PSMA6: variants seen among roughly 807,000 people sequenced by gnomAD.
PSMA6 encodes the protein proteasome 20S subunit alpha 6, also known as proteasome subunit alpha type-6.
For missense variants in PSMA6, 170 were observed against 294.8 expected (o/e 0.58, Z 3.10); for synonymous variants, 88 against 97.7 (o/e 0.90, Z 0.59).
upstream of PSMA6, chr14:35,292,338 G>A (rs761810154): frequency 2.0e-6 from 3 of 1,504,978 alleles, no homozygotes; most frequent in African/African-American, 1.4e-5. Flanking sequence ...CTCCAGAGCC[G>A]TGAGTTCGGC....
chr14:35,292,355 G>T, upstream of PSMA6: 2 of 1,526,492 alleles, frequency 1.3e-6, no homozygotes, highest in South Asian at 1.3e-5. Context: ...CGGCATGCAA[G>T]AGCGGAAGAA....
At chr14:35,293,291 G>C (rs1045276829) in intron 1 of PSMA6, 5 of 279,556 alleles carry the variant, frequency 1.8e-5, no homozygotes, top group Non-Finnish European at 3.6e-5. Flanking sequence ...CTGTGTACTA[G>C]TTTACTGAAG....
At chr14:35,300,468 T>TGAGTA (rs2051690593) in intron 1 of PSMA6, among the ~76,000 whole-genome samples, 1 of 152,082 alleles carries the variant, frequency 6.6e-6, no homozygotes, top group Non-Finnish European at 1.5e-5. Flanking sequence ...TGAGACCTTG[T>TGAGTA]CTCAGAAAAG....
rs534998247 is a variant in PSMA6, at chr14:35,280,049, A to C, written c.19+1331A>C. Among the ~76,000 whole-genome samples the C allele has an allele frequency of 2.6e-5, 4 of 151,776 alleles. No individual in the cohort carries two copies. In the South Asian group the frequency reaches 6.3e-4, roughly 24 times the overall value. On this transcript the variant is annotated intron_variant, in intron 1 of 6. Coordinates refer to the PSMA6 transcript ENST00000540871. ...CTGAGGCAGGAGAATGGCGTGAACC[A>C]GGGAGGCGGAGCTTGCAGTGAGCCG...
At chr14:35,295,586 G>A (rs573613657) in intron 1 of PSMA6, among the ~76,000 whole-genome samples, 2 of 151,638 alleles carry the variant, frequency 1.3e-5, no homozygotes, top group Admixed American at 6.6e-5. Context: ...CCAAGTAGCT[G>A]GGATTACAGA....
chr14:35,313,005 C>T lies in PSMA6; in HGVS notation c.534C>T (p.Phe178=), dbSNP rs1374915934. 2.5e-6 allele frequency: 4 copies of T among 1,575,802 alleles called. No homozygotes were observed. Among genetic ancestry groups the T allele is most frequent in the South Asian group, 1.2e-5 (1 of 84,650 alleles). ...TTAAACAAACTGAGTCAACCAGCTT[C>T]CTTGAAAAAAAAGTGAAGAAGAAAT... The part of the protein sequence containing the change: ...AGVKQTESTS[F]LEKKVKKKFD... Residue 178 remains phenylalanine, a synonymous_variant, in exon 5 of 7, where the codon TTC becomes TTT. Transcript: ENST00000261479.
At chr14:35,315,649 G>C (rs2052030243) in intron 6 of PSMA6, 2 of 151,684 alleles carry the variant, frequency 1.3e-5, no homozygotes, top group South Asian at 4.2e-4. Context: ...AACTTGGGTT[G>C]GGGTAGGGGT....
chr14:35,294,998 TGTC>T (rs535586122), intron 1 of PSMA6, among the ~76,000 whole-genome samples: 1 of 152,130 alleles, frequency 6.6e-6, no homozygotes, highest in African/African-American at 2.4e-5. Flanking sequence ...AAAAGATAAA[TGTC>T]GTCTAAAGTT....
chr14:35,285,428 G>T (rs1302315836), intron 1 of PSMA6, among the ~76,000 whole-genome samples: 1 of 151,032 alleles, frequency 6.6e-6, no homozygotes, highest in East Asian at 1.9e-4. Flanking sequence ...TTCTAAATTA[G>T]TGACTGAAAA....
At chr14:35,299,323 G>A (rs1243418730) in intron 1 of PSMA6, among the ~76,000 whole-genome samples, 1 of 19,586 alleles carries the variant, frequency 5.1e-5, no homozygotes, top group Non-Finnish European at 1.1e-4. Context: ...GCAGTGCCCA[G>A]CCTCTTTTTT....
intron 5 of PSMA6, 148 bp downstream of exon 5, chr14:35,313,207 T>C: frequency 5.5e-6 from 4 of 730,434 alleles, no homozygotes; most frequent in Non-Finnish European, 8.2e-6. Context: ...ACAGCTGACA[T>C]AGGAAAATTT....
chr14:35,294,805 C>A lies in PSMA6; in HGVS notation c.76+2253C>A, dbSNP rs185827841. ...TTCTCCAGTAAAATATATACATAAT[C>A]ATAATATTCTAAATACTGTCTGTTT... On this transcript the variant is annotated intron_variant, in intron 1 of 6. Coordinates refer to ENST00000261479, the MANE Select transcript of PSMA6 (RefSeq NM_002791.3). Among the ~76,000 whole-genome samples the A allele has an allele frequency of 2.7e-3, 405 of 151,976 alleles. 4 individuals carry two copies. The highest frequency in any genetic ancestry group is 8.4e-3 in the African/African-American group (348 of 41,424).
chr14:35,313,066 C>G lies in PSMA6; in HGVS notation c.588+7C>G. On this transcript the variant is annotated splice_region_variant and intron_variant, in intron 5 of 6. Transcript: ENST00000261479. ...ATTTGAACAGACAGTGGAAGTAAGT[C>G]AACCAAAAGGAGCTGACTTTTTTTA... The G allele has an allele frequency of 3.2e-6, 5 of 1,560,216 alleles. No individual in the cohort carries two copies. The highest frequency in any genetic ancestry group is 4.3e-6 in the Non-Finnish European group (5 of 1,163,812).
At chr14:35,286,069 A>G (rs1393748887) in intron 1 of PSMA6, among the ~76,000 whole-genome samples, 1 of 152,192 alleles carries the variant, frequency 6.6e-6, no homozygotes, top group Non-Finnish European at 1.5e-5. Context: ...CCAGTCAAAT[A>G]GTAGGTGGCT....
chr14:35,302,707 T>C (rs1333647332), intron 1 of PSMA6, among the ~76,000 whole-genome samples: 4 of 152,210 alleles, frequency 2.6e-5, no homozygotes, highest in Non-Finnish European at 5.9e-5. Context: ...TTTTTTCAAC[T>C]ATTTTTTCTG....
chr14:35,297,086 G>C (rs543959396), intron 1 of PSMA6, among the ~76,000 whole-genome samples: 113 of 125,558 alleles, frequency 9.0e-4, no homozygotes, highest in Non-Finnish European at 1.6e-3. Context: ...TTAGGGAAAA[G>C]CAAATAAGTA....
At chr14:35,301,664 T>C (rs1364866474) in intron 1 of PSMA6, among the ~76,000 whole-genome samples, 1 of 152,320 alleles carries the variant, frequency 6.6e-6, no homozygotes, top group East Asian at 1.9e-4. Context: ...CTGGTCTATA[T>C]AAAGAACGAG....
At chr14:35,312,234 C>T (rs971924991) in intron 4 of PSMA6, among the ~76,000 whole-genome samples, 1 of 147,864 alleles carries the variant, frequency 6.8e-6, no homozygotes, top group Non-Finnish European at 1.5e-5. Context: ...TGGCCAGATG[C>T]AGTGGCTCAC....
chr14:35,303,954 G>A (rs1358981828), intron 1 of PSMA6, among the ~76,000 whole-genome samples: 2 of 150,892 alleles, frequency 1.3e-5, no homozygotes, highest in East Asian at 1.9e-4. Flanking sequence ...ATTAGCTCGT[G>A]TAGTGTAAGC....
Sources: allele counts gnomAD v4.1 joint callset (sites outside exome capture counted in the v4.1 genomes callset), GRCh38; gene constraint gnomAD v4.1.1; transcripts MANE v1.5; gene names NCBI Gene and HGNC (gene_info 2026-07-23, HGNC 2026-07-21).